SEC14L1: variants seen among roughly 807,000 people sequenced by gnomAD.
The protein encoded by SEC14L1 is SEC14 like lipid binding 1.
A neutral mutation model predicts 85.3 loss-of-function variants in SEC14L1; 48 were observed. That is an observed-to-expected ratio of 0.56 (90% CI 0.45 to 0.72). The LOEUF (loss-of-function observed/expected upper bound fraction) is 0.72. SEC14L1 is among the 30% of genes least tolerant of loss of function. The pLI is 0.00. For synonymous variants in SEC14L1, 391 were observed against 355.5 expected (o/e 1.10, Z -1.12); for missense variants, 682 against 921.4 (o/e 0.74, Z 3.36).
At chr17:77,205,235 T>TA (rs1169347808) in intron 10 of SEC14L1, 41 bp from the exon 11 acceptor site, 4 of 1,563,160 alleles carry the variant, frequency 2.6e-6, no homozygotes, top group Non-Finnish European at 2.6e-6. Flanking sequence ...GTTTTAGCCT[T>TA]AAACTAATCA....
Position 77,206,081 on chromosome 17 carries a change from C to G in SEC14L1, c.1170-148C>G, listed in dbSNP as rs1976449932. ...TGTACAAGTAGATATAAACAGGGTT[C>G]ATAGCACTATACATAGCACTATAAT... On this transcript the variant is annotated intron_variant, in intron 11 of 16. Coordinates refer to ENST00000436233, the MANE Select transcript of SEC14L1 (RefSeq NM_001143998.2). The surrounding 1 kb of genome is among the most constrained non-coding windows in gnomAD (Gnocchi z 4.3). The G allele has an allele frequency of 4.2e-6, 3 of 716,830 alleles. No homozygotes were observed. Among genetic ancestry groups the G allele is most frequent in the Non-Finnish European group, 6.7e-6 (3 of 446,046 alleles). 44.4% of individuals were successfully genotyped at this position (716,830 alleles called of 1,614,324 possible).
At position 77,214,750 on chromosome 17, in the gene SEC14L1, G is replaced by A. The variant is rs933926642; in HGVS notation, c.*727G>A. The stretch of plus-strand genomic sequence containing the variant: ...ATCTTTTTGATACTTTTTAGAGCAG[G>A]ATTTTTCTGTATGTGAACTTGGGTG... On this transcript the variant is annotated 3_prime_UTR_variant, in exon 17 of 17. Coordinates refer to ENST00000436233, the MANE Select transcript of SEC14L1 (RefSeq NM_001143998.2). The A allele has an allele frequency of 6.1e-6, 6 of 985,436 alleles. No individual in the cohort carries two copies. The highest frequency in any genetic ancestry group is 5.2e-4 in the Middle Eastern group (1 of 1,914). The allele number at this position is 985,436 out of a possible 1,614,324, so 61.0% of individuals were successfully genotyped here.
At chr17:77,189,920 G>A (rs1464337338) in intron 3 of SEC14L1, among the ~76,000 whole-genome samples, 1 of 152,182 alleles carries the variant, frequency 6.6e-6, no homozygotes, top group Non-Finnish European at 1.5e-5. Context: ...GAGCCACCGC[G>A]CCCGGCCTTA....
At chr17:77,123,412 C>G (rs2045065017) in intron 3 of SEC14L1, among the ~76,000 whole-genome samples, 1 of 21,108 alleles carries the variant, frequency 4.7e-5, no homozygotes, top group Admixed American at 4.1e-4. Flanking sequence ...CCCAGGCCCA[C>G]TCTTTTTTTT....
At chr17:77,173,566 G>A (rs1974618338) in intron 3 of SEC14L1, among the ~76,000 whole-genome samples, 1 of 152,158 alleles carries the variant, frequency 6.6e-6, no homozygotes, top group Non-Finnish European at 1.5e-5. Flanking sequence ...ACAGGGCATA[G>A]CGTATCTCCT....
intron 3 of SEC14L1, among the ~76,000 whole-genome samples, chr17:77,186,844 T>C (rs1417049196): frequency 6.6e-6 from 1 of 152,226 alleles, no homozygotes; most frequent in Non-Finnish European, 1.5e-5. Context: ...AAGCTACTTG[T>C]ACCTTGTCAG....
chr17:77,195,512 A>G (rs535724367), intron 7 of SEC14L1, among the ~76,000 whole-genome samples: 8 of 151,540 alleles, frequency 5.3e-5, no homozygotes, highest in South Asian at 2.1e-4. Context: ...TTTTTGAGAT[A>G]AAAAAGTCTC....
chr17:77,095,899 A>G (rs76088609), intron 3 of SEC14L1, among the ~76,000 whole-genome samples: 3,198 of 152,124 alleles, frequency 0.021, 72 homozygotes, highest in Admixed American at 0.053. Context: ...CGCTCCTCCT[A>G]CACAGGACTG....
intron 10 of SEC14L1, 110 bp from the exon 11 acceptor site, chr17:77,205,166 A>T: frequency 1.1e-6 from 1 of 902,452 alleles, no homozygotes; most frequent in Admixed American, 2.3e-5. Context: ...GACTTTTTTG[A>T]TTTACATGCT....
chr17:77,163,391 T>TTTTTCTCAGCACCATCCCTCTCTCA (rs6146155), intron 3 of SEC14L1, among the ~76,000 whole-genome samples: 1 of 152,030 alleles, frequency 6.6e-6, no homozygotes. Flanking sequence ...CTAAGACTGG[T>TTTTTCTCAGCACCATCCCTCTCTCA]TCAGTCAGAG....
intron 13 of SEC14L1, among the ~76,000 whole-genome samples, chr17:77,208,581 A>G (rs1304509398): frequency 6.6e-6 from 1 of 152,230 alleles, no homozygotes; most frequent in African/African-American, 2.4e-5. Context: ...GATTGTTGAA[A>G]GGAGGTTGTT....
rs34186028 is a variant in SEC14L1 at position 77,158,798 on chromosome 17, C to CTTTTTTTTT, written c.63+15164_63+15172dup. Among the ~76,000 whole-genome samples the CTTTTTTTTT allele has an allele frequency of 1.6e-3, 62 of 39,244 alleles. 19 individuals carry two copies. The highest frequency in any genetic ancestry group is 2.0e-3 in the Non-Finnish European group (44 of 22,438). The allele number at this position is 39,244 out of a possible 152,430, so 25.7% of individuals were successfully genotyped here. A position where few individuals can be genotyped will look rare whatever the true frequency, so the allele number is the denominator to read the frequency against. On this transcript the variant is annotated intron_variant, in intron 3 of 16. Coordinates refer to ENST00000436233, the MANE Select transcript of SEC14L1 (RefSeq NM_001143998.2). ...CAATTACATTTTATAGCTTTCTTTC[C>CTTTTTTTTT]TTTTTTTTTTTTTTTTTTTTTTTTT...
intron 3 of SEC14L1, among the ~76,000 whole-genome samples, chr17:77,167,482 G>A (rs1284025503): frequency 2.6e-5 from 4 of 151,966 alleles, no homozygotes; most frequent in Non-Finnish European, 4.4e-5. Flanking sequence ...TTGGCCAATG[G>A]GTTACTTGAT....
chr17:77,212,328 G>A, intron 15 of SEC14L1, 127 bp downstream of exon 15: 2 of 1,356,802 alleles, frequency 1.5e-6, no homozygotes. Context: ...TGCTTGTGGA[G>A]GAGCAGCTTG....
chr17:77,098,690 T>C lies in SEC14L1; in HGVS notation c.-136+5343T>C, dbSNP rs1971702499. Among the ~76,000 whole-genome samples the C allele has an allele frequency of 3.9e-5, 6 of 152,100 alleles. No individual in the cohort carries two copies. The South Asian group carries it at 1.2e-3, about 32-fold the overall frequency. On this transcript the variant is annotated intron_variant, in intron 3 of 19. Transcript: ENST00000392476. ...CAGTGATGAAGCTGGAGACTGTCTT[T>C]CTCTGTGACAAGGACCTCAGCCCTG...
chr17:77,127,577 C>G (rs1330342193), intron 3 of SEC14L1, among the ~76,000 whole-genome samples: 1 of 151,836 alleles, frequency 6.6e-6, no homozygotes, highest in East Asian at 1.9e-4. Flanking sequence ...CTCGAACTTC[C>G]GACCACAGGT....
intron 2 of SEC14L1, among the ~76,000 whole-genome samples, chr17:77,091,284 C>T (rs1194280715): frequency 1.3e-5 from 2 of 152,114 alleles, no homozygotes; most frequent in Non-Finnish European, 2.9e-5. Flanking sequence ...GACGGGGTTT[C>T]ATCACGTTGG....
intron 3 of SEC14L1, among the ~76,000 whole-genome samples, chr17:77,109,070 C>T (rs58331758): frequency 0.024 from 3,713 of 152,302 alleles, 143 homozygotes; most frequent in African/African-American, 0.084. Flanking sequence ...GATCATCCTG[C>T]CTTGGCCTCC....
Position 77,215,458 on chromosome 17 carries a change from G to A in SEC14L1, c.*1435G>A, listed in dbSNP as rs765434015. 1.7e-4 allele frequency: 166 copies of A among 985,480 alleles called. No homozygotes were observed. Among genetic ancestry groups the A allele is most frequent in the Middle Eastern group, 1.0e-3 (2 of 1,936 alleles). 61.0% of individuals were successfully genotyped at this position (985,480 alleles called of 1,614,324 possible). A position where few individuals can be genotyped will look rare whatever the true frequency, so the allele number is the denominator to read the frequency against. On this transcript the variant is annotated 3_prime_UTR_variant, in exon 17 of 17. Transcript: ENST00000436233. Reference sequence around the variant, plus strand: ...ATCCTGGTTGTGCCGTCTCAGCTCCGCTCTGAAGGCACTGTGTGGGTGCTG... The same window carrying A: ...ATCCTGGTTGTGCCGTCTCAGCTCCACTCTGAAGGCACTGTGTGGGTGCTG...
Sources: allele counts gnomAD v4.1 joint callset (sites outside exome capture counted in the v4.1 genomes callset), GRCh38; gene constraint gnomAD v4.1.1; non-coding constraint Gnocchi (gnomAD v3.1); transcripts MANE v1.5; gene names NCBI Gene and HGNC (gene_info 2026-07-23, HGNC 2026-07-21).